Variants in STK32B observed in about 807,000 individuals in gnomAD.
STK32B encodes serine/threonine kinase 32B, also known as serine/threonine-protein kinase 32B.
A neutral mutation model predicts 52.6 loss-of-function variants in STK32B; 43 were observed. The ratio of observed to expected loss-of-function variants is 0.82; its 90% CI spans 0.64 to 1.05. The LOEUF (loss-of-function observed/expected upper bound fraction) is 1.05. Ranked by LOEUF, STK32B falls within the 50% of genes least tolerant of loss-of-function variation. The pLI is 0.00. For synonymous variants in STK32B, 238 were observed against 204.3 expected (o/e 1.17, Z -1.41); for missense variants, 621 against 534.6 (o/e 1.16, Z -1.59).
At chr4:5,038,512 C>G in the STK32B span, among the ~76,000 whole-genome samples, 1 of 152,220 alleles carries the variant, frequency 6.6e-6, no homozygotes, top group Non-Finnish European at 1.5e-5. Flanking sequence ...ATGGTCTAGC[C>G]TACTGCTACT....
chr4:5,084,028 T>C (rs888921141), intron 1 of STK32B, among the ~76,000 whole-genome samples: 3 of 152,210 alleles, frequency 2.0e-5, no homozygotes, highest in Non-Finnish European at 4.4e-5. Flanking sequence ...TGAGCCACCA[T>C]GCCCAGTCTG....
chr4:5,264,969 T>C (rs913078971), intron 3 of STK32B, among the ~76,000 whole-genome samples: 1 of 152,204 alleles, frequency 6.6e-6, no homozygotes, highest in African/African-American at 2.4e-5. Context: ...ATTTTTCTTC[T>C]TTATGTTCAT....
intron 3 of STK32B, among the ~76,000 whole-genome samples, chr4:5,211,364 A>T (rs747073350): frequency 6.6e-6 from 1 of 152,206 alleles, no homozygotes; most frequent in African/African-American, 2.4e-5. Context: ...AAATAGGGAA[A>T]GAGTGGGATC....
At chr4:5,099,514 G>T (rs1713604963) in intron 1 of STK32B, among the ~76,000 whole-genome samples, 1 of 151,952 alleles carries the variant, frequency 6.6e-6, no homozygotes, top group Admixed American at 6.5e-5. Context: ...GAAAAGTGGT[G>T]TGGCAGGGTT....
intron 1 of STK32B, among the ~76,000 whole-genome samples, chr4:5,126,247 A>T (rs1715357465): frequency 6.6e-6 from 1 of 152,208 alleles, no homozygotes. Flanking sequence ...AGCTCCTCTT[A>T]GGATAGTCCT....
At chr4:5,289,164 T>C (rs963446209) in intron 3 of STK32B, among the ~76,000 whole-genome samples, 1 of 151,200 alleles carries the variant, frequency 6.6e-6, no homozygotes, top group East Asian at 1.9e-4. Context: ...GTTACAGATA[T>C]ATGTAGGATG....
chr4:5,298,728 G>A (rs1278281238), intron 3 of STK32B, among the ~76,000 whole-genome samples: 2 of 152,052 alleles, frequency 1.3e-5, no homozygotes, highest in African/African-American at 4.8e-5. Context: ...GCTGGGCTTT[G>A]TGGGGGTGGG....
At chr4:5,145,377 C>G (rs1023606282) in intron 2 of STK32B, among the ~76,000 whole-genome samples, 1 of 152,134 alleles carries the variant, frequency 6.6e-6, no homozygotes, top group East Asian at 1.9e-4. Flanking sequence ...AATGTACATA[C>G]AACAGAATGA....
chr4:5,212,331 A>G (rs1297609888), intron 3 of STK32B, among the ~76,000 whole-genome samples: 1 of 152,178 alleles, frequency 6.6e-6, no homozygotes, highest in Non-Finnish European at 1.5e-5. Flanking sequence ...AGTCAAGGTT[A>G]TTTGTGCAAG....
chr4:5,210,064 A>G (rs1722814520), intron 3 of STK32B, among the ~76,000 whole-genome samples: 1 of 152,218 alleles, frequency 6.6e-6, no homozygotes, highest in Non-Finnish European at 1.5e-5. Flanking sequence ...AAGCTCTTCC[A>G]TTGGAAAGTT....
Position 5,168,573 on chromosome 4 carries a change from G to C in STK32B, c.260+123G>C, listed in dbSNP as rs900034551. ...AAAGGGATGCAATTTTCTGGGTTCA[G>C]TTATTCTTAAGTATTTTGTAGAGTA... On this transcript the variant is annotated intron_variant, in intron 3 of 11. Transcript: ENST00000282908. 6 of 1,195,624 alleles carry C rather than the reference G, an allele frequency of 5.0e-6. No individual in the cohort carries two copies. The African/African-American group carries it at 6.1e-5, about 12-fold the overall frequency. 74.1% of individuals were successfully genotyped at this position (1,195,624 alleles called of 1,614,324 possible). A position where few individuals can be genotyped will look rare whatever the true frequency, so the allele number is the denominator to read the frequency against.
chr4:5,302,916 C>T (rs1729658841), intron 3 of STK32B, among the ~76,000 whole-genome samples: 1 of 151,948 alleles, frequency 6.6e-6, no homozygotes, highest in Non-Finnish European at 1.5e-5. Context: ...ATCCAGGTTG[C>T]TGCAAATGCC....
chr4:5,372,503 C>T (rs1735309483), intron 4 of STK32B, among the ~76,000 whole-genome samples: 1 of 152,138 alleles, frequency 6.6e-6, no homozygotes, highest in South Asian at 2.1e-4. Flanking sequence ...CATTACTATT[C>T]AATATTACCA....
At chr4:5,069,426 T>G (rs1405522982) in intron 1 of STK32B, among the ~76,000 whole-genome samples, 1 of 152,178 alleles carries the variant, frequency 6.6e-6, no homozygotes. Flanking sequence ...GCTATGGGCC[T>G]TGTGCTTATG....
At chr4:5,272,826 A>T (rs1477627386) in intron 3 of STK32B, among the ~76,000 whole-genome samples, 2 of 135,146 alleles carry the variant, frequency 1.5e-5, no homozygotes, top group African/African-American at 5.7e-5. Flanking sequence ...CTTACACCTT[A>T]TACAAAAATC....
At chr4:5,237,377 A>G (rs1014822059) in intron 3 of STK32B, among the ~76,000 whole-genome samples, 2 of 152,164 alleles carry the variant, frequency 1.3e-5, no homozygotes, top group African/African-American at 4.8e-5. Context: ...TGAACAAGGA[A>G]AACACTACAG....
chr4:5,251,741 T>C (rs1577248153), intron 3 of STK32B, among the ~76,000 whole-genome samples: 1 of 152,244 alleles, frequency 6.6e-6, no homozygotes, highest in African/African-American at 2.4e-5. Flanking sequence ...ATGTCATCTC[T>C]GATTTCTTTC....
intron 11 of STK32B, among the ~76,000 whole-genome samples, chr4:5,491,453 A>G (rs1258179807): frequency 6.6e-6 from 1 of 152,044 alleles, no homozygotes; most frequent in Admixed American, 6.6e-5. Context: ...AATTTGTTTG[A>G]GTTCATTGTA....
intron 3 of STK32B, among the ~76,000 whole-genome samples, chr4:5,228,913 G>A (rs1056567160): frequency 1.3e-5 from 2 of 152,140 alleles, no homozygotes; most frequent in South Asian, 2.1e-4. Flanking sequence ...GGTGCAGTGA[G>A]CCAAGGGCCT....
Sources: gnomAD v4.1 joint callset for allele counts (sites outside exome capture counted in the v4.1 genomes callset) on GRCh38, gnomAD v4.1.1 for gene constraint, MANE v1.5 for transcripts, NCBI Gene and HGNC (gene_info 2026-07-23, HGNC 2026-07-21) for gene names.